The following SEC14L1 variants were observed in gnomAD, a reference collection of about 807,000 sequenced individuals.
SEC14L1 encodes SEC14-like protein 1.
Under a neutral mutation model 85.3 loss-of-function variants are expected in SEC14L1, and 48 were observed. That is an observed-to-expected ratio of 0.56 (90% CI 0.45 to 0.72). SEC14L1 has a LOEUF of 0.72. Ranked by LOEUF, SEC14L1 falls within the 30% of genes least tolerant of loss-of-function variation. SEC14L1 has a pLI of 0.00. For missense variants in SEC14L1, 682 were observed against 921.4 expected (o/e 0.74, Z 3.36); for synonymous variants, 391 against 355.5 (o/e 1.10, Z -1.12).
upstream of SEC14L1, among the ~76,000 whole-genome samples, chr17:77,136,911 CTT>C (rs577567553): frequency 2.1e-4 from 30 of 142,012 alleles, no homozygotes; most frequent in African/African-American, 2.3e-4. Context: ...CTTTTTCTTT[CTT>C]TTTTTTTTTT....
Position 77,146,096 on chromosome 17 carries a change from T to A in SEC14L1, c.63+2437T>A, listed in dbSNP as rs570815291. Among the ~76,000 whole-genome samples the A allele has an allele frequency of 1.6e-3, 244 of 152,098 alleles. 2 individuals carry two copies. The highest frequency in any genetic ancestry group is 5.6e-3 in the African/African-American group (234 of 41,500). The stretch of plus-strand genomic sequence containing the variant: ...CCCCGACCCCTGCCCTGGTCCTGGG[T>A]TTGAGGATATTGGCTAGCCTGTGGA... On this transcript the variant is annotated intron_variant, in intron 3 of 16. Coordinates refer to ENST00000436233, the MANE Select transcript of SEC14L1 (RefSeq NM_001143998.2).
chr17:77,139,070 T>A (rs1365518480), upstream of SEC14L1, among the ~76,000 whole-genome samples: 1 of 152,184 alleles, frequency 6.6e-6, no homozygotes, highest in Middle Eastern at 3.2e-3. Context: ...ACTTTGCCAA[T>A]TGTTTTTCAT....
At position 77,163,724 on chromosome 17, in the gene SEC14L1, G is replaced by A. The variant is rs867985270; in HGVS notation, c.63+20065G>A. On this transcript the variant is annotated intron_variant, in intron 3 of 16. Transcript: ENST00000436233. ...TAAGATCAAAGGAGCGGCTCGCAGC[G>A]GGGCCACATAGATGATGACTTTTCT... Among the ~76,000 whole-genome samples, 14 of 152,024 alleles carry A rather than the reference G, an allele frequency of 9.2e-5. No individual in the cohort carries two copies. In the Middle Eastern group the frequency reaches 0.01, roughly 111 times the overall value.
In SEC14L1 at chr17:77,161,986, C is replaced by A. The variant is rs796860952; in HGVS notation, c.63+18327C>A. Among the ~76,000 whole-genome samples the A allele has an allele frequency of 7.5e-5, 11 of 147,260 alleles. No individual in the cohort carries two copies. The Admixed American group carries it at 7.6e-4, about 10-fold the overall frequency. ...TGTTGAGGGCTGACTTTCAATAGAT[C>A]GCAGTGAGGGAGGTGCTCTGCTACA... On this transcript the variant is annotated intron_variant, in intron 3 of 16. Transcript: ENST00000436233.
intron 3 of SEC14L1, among the ~76,000 whole-genome samples, chr17:77,165,632 G>A (rs1974249181): frequency 6.6e-6 from 1 of 152,120 alleles, no homozygotes; most frequent in Non-Finnish European, 1.5e-5. Context: ...GATAAGGGGA[G>A]TGTTTTATTC....
chr17:77,141,872 T>C (rs1973066683), intron 1 of SEC14L1, among the ~76,000 whole-genome samples: 1 of 152,096 alleles, frequency 6.6e-6, no homozygotes, highest in South Asian at 2.1e-4. Flanking sequence ...AAATTAATAT[T>C]CCCAATTAAA....
chr17:77,203,093 G>GA (rs796554802), intron 9 of SEC14L1, among the ~76,000 whole-genome samples: 20 of 151,928 alleles, frequency 1.3e-4, no homozygotes, highest in African/African-American at 3.6e-4. Flanking sequence ...TCTATGACAT[G>GA]AAAAAAAATG....
At chr17:77,105,236 C>T (rs1176886001) in intron 3 of SEC14L1, among the ~76,000 whole-genome samples, 7 of 152,028 alleles carry the variant, frequency 4.6e-5, no homozygotes, top group South Asian at 2.1e-4. Context: ...TTTCCTTTCA[C>T]GCCTTCAACT....
intron 3 of SEC14L1, among the ~76,000 whole-genome samples, chr17:77,173,348 G>T (rs887735982): frequency 6.6e-6 from 1 of 151,706 alleles, no homozygotes; most frequent in Non-Finnish European, 1.5e-5. Context: ...GGATTATAAA[G>T]AGGGGGCACA....
At chr17:77,157,801 C>G (rs1352712986) in intron 3 of SEC14L1, among the ~76,000 whole-genome samples, 1 of 152,180 alleles carries the variant, frequency 6.6e-6, no homozygotes, top group East Asian at 1.9e-4. Context: ...ATTGGGATTA[C>G]AGGCATGAGC....
At chr17:77,148,253 T>C (rs749163603) in intron 3 of SEC14L1, among the ~76,000 whole-genome samples, 4 of 151,894 alleles carry the variant, frequency 2.6e-5, no homozygotes, top group Non-Finnish European at 5.9e-5. Context: ...TAAGGAGAGT[T>C]GTGGGAGAGA....
chr17:77,206,617 A>G lies in SEC14L1; in HGVS notation c.1342-111A>G. The G allele has an allele frequency of 7.4e-7, 1 of 1,357,012 alleles. No homozygotes were observed. The highest frequency in any genetic ancestry group is 1.0e-6 in the Non-Finnish European group (1 of 986,420). 84.1% of individuals were successfully genotyped at this position (1,357,012 alleles called of 1,614,324 possible). ...ATAGACTTTACAGAAGAAGTATATA[A>G]ACTTGAATGTCTTCCCCCCACCCTC... On this transcript the variant is annotated intron_variant, in intron 12 of 16. Coordinates refer to ENST00000436233, the MANE Select transcript of SEC14L1 (RefSeq NM_001143998.2). This position sits in a 1 kb window ranked among gnomAD's most constrained non-coding sequence, Gnocchi z 4.3.
Position 77,215,130 on chromosome 17 carries a change from G to A in SEC14L1, c.*1107G>A. ...ACGGTGGGGGTGCTGGGGGGACGGGGTGAGTGGAAACTTAGTTTGAGTAAT... is the reference window on the plus strand; with the variant it reads ...ACGGTGGGGGTGCTGGGGGGACGGGATGAGTGGAAACTTAGTTTGAGTAAT... On this transcript the variant is annotated 3_prime_UTR_variant, in exon 17 of 17. Coordinates refer to ENST00000436233, the MANE Select transcript of SEC14L1 (RefSeq NM_001143998.2). 2.0e-6 allele frequency: 2 copies of A among 985,512 alleles called. No homozygotes were observed. Among genetic ancestry groups the A allele is most frequent in the Non-Finnish European group, 2.4e-6 (2 of 830,012 alleles). The allele number at this position is 985,512 out of a possible 1,614,324, so 61.0% of individuals were successfully genotyped here. A position where few individuals can be genotyped will look rare whatever the true frequency, so the allele number is the denominator to read the frequency against.
intron 3 of SEC14L1, among the ~76,000 whole-genome samples, chr17:77,156,248 C>A (rs568220001): frequency 2.0e-5 from 3 of 152,174 alleles, no homozygotes; most frequent in Non-Finnish European, 2.9e-5. Flanking sequence ...GCCAGTGTTC[C>A]CAGGGTGAGA....
At chr17:77,164,825 T>C (rs1339911137) in intron 3 of SEC14L1, among the ~76,000 whole-genome samples, 1 of 152,146 alleles carries the variant, frequency 6.6e-6, no homozygotes, top group East Asian at 1.9e-4. Context: ...CAGATAATTG[T>C]GTGGCAGAGA....
chr17:77,123,560 C>T (rs1048185002), intron 3 of SEC14L1, among the ~76,000 whole-genome samples: 1 of 151,920 alleles, frequency 6.6e-6, no homozygotes, highest in African/African-American at 2.4e-5. Context: ...CACAGGCACA[C>T]ATCACCAAAT....
chr17:77,165,325 A>G (rs2143655407), intron 3 of SEC14L1, among the ~76,000 whole-genome samples: 1 of 152,284 alleles, frequency 6.6e-6, no homozygotes, highest in African/African-American at 2.4e-5. Context: ...TGCTGACAAC[A>G]TGTGCTCAAG....
chr17:77,156,042 C>G (rs1973802350), intron 3 of SEC14L1, among the ~76,000 whole-genome samples: 1 of 152,190 alleles, frequency 6.6e-6, no homozygotes, highest in African/African-American at 2.4e-5. Context: ...CCTAGGTATA[C>G]CATTTTTTGT....
Position 77,206,349 on chromosome 17 carries a change from C to T in SEC14L1, c.1290C>T (p.Gly430=). ...AGGCCAACTACCCTGAGACACTGGGCCGCCTTCTCATCCTGCGGGCGCCCA... is the reference window on the plus strand; with the variant it reads ...AGGCCAACTACCCTGAGACACTGGGTCGCCTTCTCATCCTGCGGGCGCCCA... The part of the protein sequence containing the change: ...VVEANYPETL[G]RLLILRAPRV... The change falls in exon 12 of 17, where the codon GGC becomes GGT. Residue 430 remains glycine (G), a synonymous_variant. Transcript: ENST00000436233. This position sits in a 1 kb window ranked among gnomAD's most constrained non-coding sequence, Gnocchi z 4.3. 1.2e-6 allele frequency: 2 copies of T among 1,614,138 alleles called. No homozygotes were observed. Among genetic ancestry groups the T allele is most frequent in the Middle Eastern group, 1.7e-4 (1 of 6,056 alleles).
Sources: allele counts gnomAD v4.1 joint callset (sites outside exome capture counted in the v4.1 genomes callset), GRCh38; gene constraint gnomAD v4.1.1; non-coding constraint Gnocchi (gnomAD v3.1); transcripts MANE v1.5; gene names NCBI Gene and HGNC (gene_info 2026-07-23, HGNC 2026-07-21).